The following ELK3 variants were observed in gnomAD, a reference collection of about 807,000 sequenced individuals.
The protein encoded by ELK3 is ETS domain-containing protein Elk-3.
Under a neutral mutation model 28.9 loss-of-function variants are expected in ELK3, and 10 were observed. That is an observed-to-expected ratio of 0.35 (90% CI 0.21 to 0.59). ELK3 has a LOEUF of 0.59. Ranked by LOEUF, ELK3 falls within the 20% of genes least tolerant of loss-of-function variation. The pLI is 0.82. For missense variants in ELK3, 463 were observed against 517.3 expected, an observed-to-expected ratio of 0.90 and a Z score of 1.02; for synonymous variants, 272 against 243.5, an observed-to-expected ratio of 1.12 and a Z score of -1.09.
intron 1 of ELK3, among the ~76,000 whole-genome samples, chr12:96,204,623 C>A (rs1951528704): frequency 6.6e-6 from 1 of 152,126 alleles, no homozygotes; most frequent in South Asian, 2.1e-4. Flanking sequence ...TCAAAATAAG[C>A]CCGAAATTAT....
At chr12:96,239,318 T>C (rs539005277) in intron 2 of ELK3, among the ~76,000 whole-genome samples, 5 of 152,174 alleles carry the variant, frequency 3.3e-5, no homozygotes, top group Non-Finnish European at 7.4e-5. Context: ...ATACTGTTTT[T>C]TTTCCCCACC....
intron 2 of ELK3, among the ~76,000 whole-genome samples, chr12:96,227,707 C>A (rs12820932): frequency 6.6e-6 from 1 of 151,954 alleles, no homozygotes; most frequent in Non-Finnish European, 1.5e-5. Flanking sequence ...TTCTTTTCCT[C>A]CCCTCTCAGA....
intron 2 of ELK3, among the ~76,000 whole-genome samples, chr12:96,227,179 C>T (rs893210307): frequency 2.6e-5 from 4 of 151,904 alleles, no homozygotes; most frequent in African/African-American, 4.8e-5. Context: ...CCCTGAACCG[C>T]GTGCGTTTCT....
intron 1 of ELK3, among the ~76,000 whole-genome samples, chr12:96,214,627 T>A (rs567985607): frequency 4.6e-5 from 7 of 152,362 alleles, no homozygotes; most frequent in African/African-American, 1.7e-4. Flanking sequence ...CTCATGCCTT[T>A]TTTATACACA....
At chr12:96,233,719 G>A (rs1951759827) in intron 2 of ELK3, among the ~76,000 whole-genome samples, 1 of 152,180 alleles carries the variant, frequency 6.6e-6, no homozygotes, top group African/African-American at 2.4e-5. Context: ...AAATGATGTT[G>A]TCAAAGTGGA....
chr12:96,247,752 C>T lies in ELK3; in HGVS notation c.1002+18C>T. On this transcript the variant is annotated intron_variant, in intron 3 of 4. Transcript: ENST00000228741. The surrounding 1 kb of genome is among the most constrained non-coding windows in gnomAD (Gnocchi z 5.5). Reference sequence around the variant, plus strand: ...CCGCACAGGTAAGAGTCATTCCTGTCATCTAAGCCACAGCCAGCTTCAGTG... The same window carrying T: ...CCGCACAGGTAAGAGTCATTCCTGTTATCTAAGCCACAGCCAGCTTCAGTG... 6.6e-7 allele frequency: 1 copy of T among 1,504,226 alleles called. No homozygotes were observed. The highest frequency in any genetic ancestry group is 8.9e-7 in the Non-Finnish European group (1 of 1,129,844). 93.2% of individuals were successfully genotyped at this position (1,504,226 alleles called of 1,614,324 possible). A position where few individuals can be genotyped will look rare whatever the true frequency, so the allele number is the denominator to read the frequency against.
chr12:96,215,449 C>T (rs541326890), intron 1 of ELK3, among the ~76,000 whole-genome samples: 1 of 152,188 alleles, frequency 6.6e-6, no homozygotes, highest in Admixed American at 6.5e-5. Flanking sequence ...AGCTGGGACA[C>T]CTGAAGCTGG....
intron 1 of ELK3, among the ~76,000 whole-genome samples, chr12:96,214,084 A>T (rs947609329): frequency 3.3e-5 from 5 of 152,164 alleles, no homozygotes; most frequent in African/African-American, 9.7e-5. Flanking sequence ...ATGTACAGGC[A>T]TGTAATCCCA....
chr12:96,215,684 G>A (rs997658572), intron 1 of ELK3, among the ~76,000 whole-genome samples: 5 of 148,788 alleles, frequency 3.4e-5, no homozygotes, highest in African/African-American at 1.3e-4. Context: ...CACCCAGGCT[G>A]GAGTGCAGTG....
At chr12:96,206,235 C>A (rs192641842) in intron 1 of ELK3, among the ~76,000 whole-genome samples, 1 of 152,120 alleles carries the variant, frequency 6.6e-6, no homozygotes, top group Non-Finnish European at 1.5e-5. Context: ...GTAGATCAGA[C>A]GTGCACCAGA....
chr12:96,263,045 A>G (rs1952005623), intron 4 of ELK3, among the ~76,000 whole-genome samples: 1 of 152,238 alleles, frequency 6.6e-6, no homozygotes, highest in Non-Finnish European at 1.5e-5. Flanking sequence ...AGAAAAAAAT[A>G]GATTTGGCTT....
chr12:96,218,983 T>A (rs148133303), intron 1 of ELK3, among the ~76,000 whole-genome samples: 24 of 152,228 alleles, frequency 1.6e-4, no homozygotes, highest in East Asian at 5.8e-4. Context: ...AAGGGAATTT[T>A]AAAAAAAAGA....
chr12:96,209,042 C>T (rs924965127), intron 1 of ELK3, among the ~76,000 whole-genome samples: 1 of 152,242 alleles, frequency 6.6e-6, no homozygotes, highest in African/African-American at 2.4e-5. Flanking sequence ...CTGACCCCAC[C>T]TGGGACCCCT....
chr12:96,202,974 C>T (rs967232153), intron 1 of ELK3, among the ~76,000 whole-genome samples: 1 of 151,640 alleles, frequency 6.6e-6, no homozygotes, highest in African/African-American at 2.4e-5. Context: ...CCTCTGCCTC[C>T]TGGGTTCAAG....
In ELK3 at chr12:96,267,257, G is replaced by A. The variant is rs1952041396; in HGVS notation, c.*77G>A. The A allele has an allele frequency of 8.8e-6, 11 of 1,254,226 alleles. No individual in the cohort carries two copies. In the South Asian group the frequency reaches 1.4e-4, roughly 16 times the overall value. The allele number at this position is 1,254,226 out of a possible 1,614,324, so 77.7% of individuals were successfully genotyped here. A position where few individuals can be genotyped will look rare whatever the true frequency, so the allele number is the denominator to read the frequency against. On this transcript the variant is annotated 3_prime_UTR_variant, in exon 5 of 5. Coordinates refer to ENST00000228741, the MANE Select transcript of ELK3 (RefSeq NM_005230.4). Reference sequence around the variant, plus strand: ...CCACGGGCTAGTTTACCTGTGTCGTGAGAAGGACATTGTGAAACTCTTGTT... The same window carrying A: ...CCACGGGCTAGTTTACCTGTGTCGTAAGAAGGACATTGTGAAACTCTTGTT...
chr12:96,206,148 TTG>T, intron 1 of ELK3, among the ~76,000 whole-genome samples: 1 of 152,226 alleles, frequency 6.6e-6, no homozygotes, highest in Middle Eastern at 3.4e-3. Flanking sequence ...GCCACATCCT[TTG>T]TGTGTTTTTT....
chr12:96,223,534 G>C (rs940151734), intron 1 of ELK3, 31 bp from the exon 2 acceptor site: 1 of 1,610,900 alleles, frequency 6.2e-7, no homozygotes, highest in Non-Finnish European at 8.5e-7. Flanking sequence ...ATCGTGACCA[G>C]CAGCTCTGAC....
At chr12:96,200,431 T>G (rs1434036865) in intron 1 of ELK3, among the ~76,000 whole-genome samples, 1 of 152,120 alleles carries the variant, frequency 6.6e-6, no homozygotes, top group Non-Finnish European at 1.5e-5. Context: ...GCGCAGATCT[T>G]AAGTGTTATT....
In ELK3 at chr12:96,267,283, A is replaced by AATT. The variant is rs952860484; in HGVS notation, c.*104_*106dup. On this transcript the variant is annotated 3_prime_UTR_variant, in exon 5 of 5. Transcript: ENST00000228741. ...AGAAGGACATTGTGAAACTCTTGTT[A>AATT]ATTTGGTTTGCACTTTTCATAACAT... 2 of 1,008,764 alleles carry AATT rather than the reference A, an allele frequency of 2.0e-6. No individual in the cohort carries two copies. Among genetic ancestry groups the AATT allele is most frequent in the African/African-American group, 3.3e-5 (2 of 61,250 alleles). 62.5% of individuals were successfully genotyped at this position (1,008,764 alleles called of 1,614,324 possible).
Sources: allele counts gnomAD v4.1 joint callset (sites outside exome capture counted in the v4.1 genomes callset), GRCh38; gene constraint gnomAD v4.1.1; non-coding constraint Gnocchi (gnomAD v3.1); transcripts MANE v1.5; gene names NCBI Gene and HGNC (gene_info 2026-07-23, HGNC 2026-07-21).